The following HTR2C variants were observed in gnomAD, a reference collection of about 807,000 sequenced individuals.
HTR2C encodes 5-hydroxytryptamine receptor 2C.
HTR2C carries 5 observed loss-of-function variants against 21.0 expected under a neutral mutation model. The ratio of observed to expected loss-of-function variants is 0.24; its 90% CI spans 0.12 to 0.50. The LOEUF is 0.50. Among genes scored for constraint, HTR2C ranks in the 20% least tolerant of loss-of-function variants. The pLI, the probability that HTR2C is intolerant of heterozygous loss-of-function variation, is 0.98. For missense variants in HTR2C, 271 were observed against 371.2 expected, an observed-to-expected ratio of 0.73 and a Z score of 2.22; for synonymous variants, 150 against 145.3, an observed-to-expected ratio of 1.03 and a Z score of -0.23.
At chrX:114,850,886 A>T (rs1160321727) in intron 5 of HTR2C, among the ~76,000 whole-genome samples, 1 of 111,332 alleles carries the variant, frequency 9.0e-6, no homozygotes, top group African/African-American at 3.3e-5. Context: ...AAGTAAAAGG[A>T]TAAAAACAAA....
intron 4 of HTR2C, among the ~76,000 whole-genome samples, chrX:114,790,217 A>C (rs782131965): frequency 3.6e-5 from 4 of 111,661 alleles, no homozygotes; most frequent in Non-Finnish European, 7.5e-5. Context: ...ACAGATCTCT[A>C]GGGACAAGAT....
At chrX:114,782,776 A>G (rs782378965) in intron 4 of HTR2C, among the ~76,000 whole-genome samples, 2 of 111,952 alleles carry the variant, frequency 1.8e-5, no homozygotes, top group Admixed American at 1.9e-4. Context: ...AAGATAAAAT[A>G]CAAGGCAAGA....
intron 4 of HTR2C, chrX:114,823,513 G>T: frequency 2.9e-6 from 1 of 346,895 alleles, no homozygotes. Context: ...ATATAAGAGG[G>T]GGCTGGCTGG....
chrX:114,899,162 G>C (rs1236564021), intron 5 of HTR2C, among the ~76,000 whole-genome samples: 1 of 111,369 alleles, frequency 9.0e-6, no homozygotes, highest in African/African-American at 3.3e-5. Flanking sequence ...TTGTGAATGG[G>C]AGTTCATTCA....
At chrX:114,831,675 T>G (rs2070729801) in intron 4 of HTR2C, among the ~76,000 whole-genome samples, 1 of 108,431 alleles carries the variant, frequency 9.2e-6, no homozygotes. Context: ...GGTAGTTTCT[T>G]TTGCTGTGCA....
At chrX:114,698,445 CACACACACACACAA>C (rs1379213672) in intron 2 of HTR2C, among the ~76,000 whole-genome samples, 1 of 29,299 alleles carries the variant, frequency 3.4e-5, no homozygotes, top group African/African-American at 9.4e-5. Flanking sequence ...CACAAACACA[CACACACACACACAA>C]ACACACACAC....
intron 4 of HTR2C, among the ~76,000 whole-genome samples, chrX:114,826,703 T>C (rs148464907): frequency 0.01 from 1,125 of 111,670 alleles, 16 homozygotes; most frequent in African/African-American, 0.035. Context: ...GTAGAGTTTC[T>C]TATAGACAGC....
chrX:114,724,573 T>G (rs1178551254), intron 2 of HTR2C, among the ~76,000 whole-genome samples: 1 of 64,445 alleles, frequency 1.6e-5, no homozygotes, highest in Admixed American at 2.4e-4. Flanking sequence ...GTTAGCTGGT[T>G]ATTTTGCTCA....
rs1216109217 is a variant in HTR2C, at chrX:114,647,210, A to G, written c.-80+33329A>G. Among the ~76,000 whole-genome samples the G allele has an allele frequency of 3.6e-5, 4 of 111,440 alleles. No individual in the cohort carries two copies. The Admixed American group carries it at 3.8e-4, about 11-fold the overall frequency. On this transcript the variant is annotated intron_variant, in intron 2 of 5. Coordinates refer to ENST00000276198, the MANE Select transcript of HTR2C (RefSeq NM_000868.4). ...TAATAATAATGTAATGTATATTTCA[A>G]AATAGCTAAAAGAATGGATTTTAAA...
intron 4 of HTR2C, among the ~76,000 whole-genome samples, chrX:114,743,200 G>A (rs1238824646): frequency 9.2e-5 from 9 of 97,492 alleles, no homozygotes; most frequent in Non-Finnish European, 1.6e-4. Context: ...ACGTGTGCAT[G>A]TGTCTTTATA....
At chrX:114,588,785 G>A (rs1159131463) in intron 1 of HTR2C, among the ~76,000 whole-genome samples, 2 of 112,070 alleles carry the variant, frequency 1.8e-5, no homozygotes, top group East Asian at 2.8e-4. Context: ...TGTAATCAAA[G>A]TAGTAAGACT....
intron 2 of HTR2C, among the ~76,000 whole-genome samples, chrX:114,713,323 A>G (rs907184097): frequency 9.0e-6 from 1 of 111,658 alleles, no homozygotes; most frequent in Non-Finnish European, 1.9e-5. Flanking sequence ...ACCCCCCAAA[A>G]TTTTAGGAAT....
intron 2 of HTR2C, among the ~76,000 whole-genome samples, chrX:114,641,226 G>A (rs782049915): frequency 1.2e-4 from 13 of 110,106 alleles, no homozygotes; most frequent in Non-Finnish European, 1.7e-4. Flanking sequence ...ATGTTTATTC[G>A]TAGTAGATTT....
At chrX:114,598,780 A>C (rs1249169794) in intron 1 of HTR2C, among the ~76,000 whole-genome samples, 3 of 111,631 alleles carry the variant, frequency 2.7e-5, no homozygotes, top group Non-Finnish European at 5.7e-5. Flanking sequence ...ATAACACATT[A>C]AATACTGAGC....
At chrX:114,644,356 TAA>T (rs1314742458) in intron 2 of HTR2C, among the ~76,000 whole-genome samples, 80 of 18,273 alleles carry the variant, frequency 4.4e-3, no homozygotes, top group African/African-American at 9.4e-3. Context: ...AATAAATAAA[TAA>T]ATAAATATAT....
In HTR2C at chrX:114,585,736, A is replaced by G. The variant is rs782124282; in HGVS notation, c.-147+1077A>G. ...TTCAGCGAGTGACATTCGGCAGTTA[A>G]AAGATTTGGTCTGGAATCACTGCCA... On this transcript the variant is annotated intron_variant, in intron 1 of 5. Transcript: ENST00000276198. Among the ~76,000 whole-genome samples the G allele has an allele frequency of 2.7e-5, 3 of 111,364 alleles. No homozygotes were observed. The East Asian group carries it at 8.5e-4, about 32-fold the overall frequency.
intron 2 of HTR2C, among the ~76,000 whole-genome samples, chrX:114,660,879 CT>C (rs1382264411): frequency 8.9e-6 from 1 of 112,060 alleles, no homozygotes; most frequent in Non-Finnish European, 1.9e-5. Context: ...TAGCAAGTCT[CT>C]TTTAGATAAT....
At chrX:114,900,309 C>T (rs781842468) in intron 5 of HTR2C, 3 of 186,933 alleles carry the variant, frequency 1.6e-5, no homozygotes, top group Non-Finnish European at 3.1e-5. Context: ...ATTCTTCCAC[C>T]ACTGATTAAA....
intron 1 of HTR2C, among the ~76,000 whole-genome samples, chrX:114,598,875 T>C (rs781801396): frequency 9.0e-6 from 1 of 111,454 alleles, no homozygotes; most frequent in African/African-American, 3.3e-5. Context: ...AATGATTATA[T>C]ATTATTAAAG....
Sources: allele counts gnomAD v4.1 joint callset (sites outside exome capture counted in the v4.1 genomes callset), GRCh38; gene constraint gnomAD v4.1.1; transcripts MANE v1.5; gene names NCBI Gene and HGNC (gene_info 2026-07-23, HGNC 2026-07-21).